The following DTNA variants were observed in gnomAD, a reference collection of about 807,000 sequenced individuals.
The protein encoded by DTNA is dystrophin-related protein 3.
DTNA carries 43 observed loss-of-function variants against 100.7 expected under a neutral mutation model. That is an observed-to-expected ratio of 0.43 (90% CI 0.33 to 0.55). The LOEUF (loss-of-function observed/expected upper bound fraction) is 0.55. Ranked by LOEUF, DTNA falls within the 20% of genes least tolerant of loss-of-function variation. The pLI is 0.04. For synonymous variants in DTNA, 349 were observed against 347.9 expected (o/e 1.00, Z -0.04); for missense variants, 798 against 953.9 (o/e 0.84, Z 2.15).
intron 1 of DTNA, among the ~76,000 whole-genome samples, chr18:34,667,687 G>C (rs2076137996): frequency 1.3e-5 from 2 of 152,166 alleles, no homozygotes; most frequent in South Asian, 4.2e-4. Flanking sequence ...ATAATCATGT[G>C]GTTTTTGTCT....
chr18:34,589,308 CT>C (rs2049447943), intron 1 of DTNA, among the ~76,000 whole-genome samples: 1 of 152,026 alleles, frequency 6.6e-6, no homozygotes, highest in Admixed American at 6.6e-5. Flanking sequence ...CCTATAGTTA[CT>C]TTCATGTGTG....
chr18:34,837,843 T>C (rs1433248501), intron 11 of DTNA, among the ~76,000 whole-genome samples: 2 of 152,216 alleles, frequency 1.3e-5, no homozygotes, highest in Admixed American at 1.3e-4. Flanking sequence ...TCAATATAAA[T>C]GCTTGCTTGT....
chr18:34,623,425 A>G (rs764383783), intron 1 of DTNA, among the ~76,000 whole-genome samples: 11 of 152,234 alleles, frequency 7.2e-5, no homozygotes, highest in Admixed American at 2.0e-4. Context: ...AATAAAATGT[A>G]TAGTACAAAA....
At chr18:34,528,569 TG>T (rs2042861954) in intron 1 of DTNA, among the ~76,000 whole-genome samples, 1 of 152,094 alleles carries the variant, frequency 6.6e-6, no homozygotes, top group African/African-American at 2.4e-5. Context: ...TGTGTTAGGT[TG>T]AAATGCTTTC....
At chr18:34,666,641 G>A (rs2075971398) in intron 1 of DTNA, among the ~76,000 whole-genome samples, 1 of 152,050 alleles carries the variant, frequency 6.6e-6, no homozygotes, top group Non-Finnish European at 1.5e-5. Flanking sequence ...TCTACCTATG[G>A]CTAGCCAGTT....
intron 1 of DTNA, among the ~76,000 whole-genome samples, chr18:34,641,597 T>C (rs1220646377): frequency 2.6e-5 from 4 of 152,354 alleles, no homozygotes; most frequent in South Asian, 2.1e-4. Flanking sequence ...TATCCACTTA[T>C]AGTATGAGAT....
chr18:34,656,469 C>T (rs191505059), intron 1 of DTNA, among the ~76,000 whole-genome samples: 1 of 152,276 alleles, frequency 6.6e-6, no homozygotes, highest in East Asian at 1.9e-4. Context: ...GCTAAAAAGA[C>T]TTGAAATGAG....
chr18:34,551,540 T>A (rs538658144), intron 1 of DTNA, among the ~76,000 whole-genome samples: 95 of 152,246 alleles, frequency 6.2e-4, no homozygotes, highest in African/African-American at 2.2e-3. Context: ...CAGTGCCCAA[T>A]CTGGGATGTA....
chr18:34,640,804 T>A (rs2059188306), intron 1 of DTNA, among the ~76,000 whole-genome samples: 1 of 152,358 alleles, frequency 6.6e-6, no homozygotes, highest in South Asian at 2.1e-4. Context: ...TAGTTCCCTA[T>A]TTTCATGTTA....
intron 1 of DTNA, among the ~76,000 whole-genome samples, chr18:34,518,704 C>CTGT (rs1410080545): frequency 8.2e-6 from 1 of 121,536 alleles, no homozygotes; most frequent in Admixed American, 9.0e-5. Flanking sequence ...ATTTGGCAAA[C>CTGT]GTGTGTGTGT....
intron 3 of DTNA, among the ~76,000 whole-genome samples, chr18:34,792,440 A>G (rs1398100146): frequency 2.0e-5 from 3 of 152,202 alleles, no homozygotes; most frequent in Non-Finnish European, 4.4e-5. Flanking sequence ...GTCAAGAAAA[A>G]AGTCACATAG....
intron 3 of DTNA, among the ~76,000 whole-genome samples, chr18:34,767,962 T>C (rs896421074): frequency 6.6e-6 from 1 of 152,154 alleles, no homozygotes; most frequent in Non-Finnish European, 1.5e-5. Flanking sequence ...GTTACTGTAT[T>C]TGTAGTCCTA....
At chr18:34,672,589 G>A (rs912395242) in intron 1 of DTNA, among the ~76,000 whole-genome samples, 4 of 152,114 alleles carry the variant, frequency 2.6e-5, no homozygotes, top group African/African-American at 9.7e-5. Flanking sequence ...GAATAAAGGA[G>A]CGTTCAGCCA....
At chr18:34,816,445 T>A (rs374647422) in intron 7 of DTNA, among the ~76,000 whole-genome samples, 1 of 152,224 alleles carries the variant, frequency 6.6e-6, no homozygotes, top group African/African-American at 2.4e-5. Flanking sequence ...TAATCTTTAG[T>A]CATATGTTCC....
intron 1 of DTNA, among the ~76,000 whole-genome samples, chr18:34,579,175 A>G (rs138428338): frequency 9.9e-5 from 15 of 152,164 alleles, no homozygotes; most frequent in African/African-American, 2.2e-4. Flanking sequence ...GTATAATTCT[A>G]TTTACTTGCT....
intron 1 of DTNA, among the ~76,000 whole-genome samples, chr18:34,665,705 A>C (rs1382892768): frequency 6.6e-6 from 1 of 152,162 alleles, no homozygotes; most frequent in Non-Finnish European, 1.5e-5. Flanking sequence ...TAGTTTGCTG[A>C]GAATGATGGT....
At chr18:34,688,648 T>A (rs2079268505) in intron 1 of DTNA, among the ~76,000 whole-genome samples, 1 of 152,124 alleles carries the variant, frequency 6.6e-6, no homozygotes, top group Admixed American at 6.5e-5. Flanking sequence ...AGGAGTATCT[T>A]TGTGGTGTTT....
intron 3 of DTNA, among the ~76,000 whole-genome samples, chr18:34,768,883 A>G (rs2093623540): frequency 6.6e-6 from 1 of 152,196 alleles, no homozygotes; most frequent in Non-Finnish European, 1.5e-5. Context: ...AACCATGTAG[A>G]AAGATAATGA....
In DTNA at chr18:34,713,741, G is replaced by A. The variant is rs138008457; in HGVS notation, c.-2+3296G>A. On this transcript the variant is annotated intron_variant, in intron 1 of 22. Transcript: ENST00000444659. ...CCTTGGGCAGTATGGCCATTTCCAC[G>A]ATATTGATTCTTCCTACCCATGAGC... 5.7e-3 allele frequency among the ~76,000 whole-genome samples: 865 copies of A among 152,152 alleles called. 6 individuals carry two copies. The highest frequency in any genetic ancestry group is 0.017 in the Admixed American group (253 of 15,288).
Sources: allele counts gnomAD v4.1 joint callset (sites outside exome capture counted in the v4.1 genomes callset), GRCh38; gene constraint gnomAD v4.1.1; transcripts MANE v1.5; gene names NCBI Gene and HGNC (gene_info 2026-07-23, HGNC 2026-07-21).